Variants in GRM7 observed in about 807,000 individuals in gnomAD.
GRM7 encodes metabotropic glutamate receptor 7.
GRM7 carries 35 observed loss-of-function variants against 84.5 expected under a neutral mutation model. The observed-to-expected ratio is 0.41, with a 90% CI of 0.32 to 0.55. The LOEUF (loss-of-function observed/expected upper bound fraction) is 0.55, where lower values mean the gene tolerates loss of function less well. Among genes scored for constraint, GRM7 ranks in the 20% least tolerant of loss-of-function variants. GRM7 has a pLI of 0.19. For missense variants in GRM7, 1,003 were observed against 1,194.6 expected (o/e 0.84, Z 2.36); for synonymous variants, 487 against 455.1 (o/e 1.07, Z -0.89).
intron 8 of GRM7, among the ~76,000 whole-genome samples, chr3:7,617,761 A>G (rs1201231031): frequency 6.6e-6 from 1 of 152,186 alleles, no homozygotes; most frequent in Non-Finnish European, 1.5e-5. Context: ...GAGATAGGAA[A>G]GAGTTTGGAG....
intron 2 of GRM7, among the ~76,000 whole-genome samples, chr3:7,190,630 A>G (rs559047404): frequency 4.1e-4 from 62 of 152,218 alleles, no homozygotes; most frequent in African/African-American, 1.4e-3. Context: ...GACTTGGAAC[A>G]AGGTTCTAGG....
intron 2 of GRM7, among the ~76,000 whole-genome samples, chr3:7,296,768 A>G (rs1699827764): frequency 6.6e-6 from 1 of 151,166 alleles, no homozygotes; most frequent in Non-Finnish European, 1.5e-5. Flanking sequence ...TTTTTGTCTC[A>G]GTCTACATTT....
At chr3:7,136,190 T>G (rs1052242758) in intron 1 of GRM7, among the ~76,000 whole-genome samples, 1 of 152,054 alleles carries the variant, frequency 6.6e-6, no homozygotes, top group African/African-American at 2.4e-5. Context: ...ATTCATTTTT[T>G]TTTTCTATTT....
chr3:7,002,296 T>C (rs183199051), intron 1 of GRM7, among the ~76,000 whole-genome samples: 1 of 152,330 alleles, frequency 6.6e-6, no homozygotes, highest in East Asian at 1.9e-4. Context: ...GTATAATCTT[T>C]ATTAGACTTG....
At chr3:6,938,395 G>A (rs1268224853) in intron 1 of GRM7, among the ~76,000 whole-genome samples, 1 of 152,328 alleles carries the variant, frequency 6.6e-6, no homozygotes, top group East Asian at 1.9e-4. Flanking sequence ...TTCCAGTCCA[G>A]CTGTAACTCC....
At chr3:7,498,681 C>A (rs1368311636) in intron 7 of GRM7, among the ~76,000 whole-genome samples, 1 of 152,154 alleles carries the variant, frequency 6.6e-6, no homozygotes, top group Non-Finnish European at 1.5e-5. Flanking sequence ...ACATAAATTT[C>A]TTTTATGAAA....
chr3:7,203,909 A>G (rs1696148362), intron 2 of GRM7, among the ~76,000 whole-genome samples: 1 of 152,210 alleles, frequency 6.6e-6, no homozygotes. Flanking sequence ...AAGATTCTCT[A>G]GAGAAGATGA....
chr3:7,226,501 A>G (rs766563960), intron 2 of GRM7, among the ~76,000 whole-genome samples: 1 of 152,164 alleles, frequency 6.6e-6, no homozygotes, highest in African/African-American at 2.4e-5. Context: ...CTCGAACTCC[A>G]GTCAAAGACA....
chr3:7,362,920 A>C (rs1324109129), intron 4 of GRM7, among the ~76,000 whole-genome samples: 1 of 152,040 alleles, frequency 6.6e-6, no homozygotes, highest in Non-Finnish European at 1.5e-5. Flanking sequence ...TTGAAGCCAG[A>C]GTCTGGGCAA....
intron 2 of GRM7, among the ~76,000 whole-genome samples, chr3:7,261,660 T>C (rs1559535540): frequency 1.3e-5 from 2 of 152,232 alleles, no homozygotes; most frequent in Non-Finnish European, 2.9e-5. Context: ...GTATACAGAC[T>C]TGTTTGTGTA....
At chr3:7,086,437 T>C (rs1279936315) in intron 1 of GRM7, among the ~76,000 whole-genome samples, 1 of 152,162 alleles carries the variant, frequency 6.6e-6, no homozygotes, top group African/African-American at 2.4e-5. Context: ...ATTTGAGTAT[T>C]CAAGAGTTTT....
chr3:7,279,064 T>C (rs1211379047), intron 2 of GRM7, among the ~76,000 whole-genome samples: 2 of 152,168 alleles, frequency 1.3e-5, no homozygotes, highest in South Asian at 2.1e-4. Context: ...AAATATAAGA[T>C]AATGCTTTAG....
At chr3:7,192,718 A>G (rs190068865) in intron 2 of GRM7, among the ~76,000 whole-genome samples, 24 of 151,934 alleles carry the variant, frequency 1.6e-4, no homozygotes, top group African/African-American at 5.8e-4. Flanking sequence ...CTCTCCTTTA[A>G]CTTAGAATAT....
At chr3:7,578,267 C>T (rs1410278949) in intron 7 of GRM7, among the ~76,000 whole-genome samples, 155 bp from the exon 8 acceptor site, 5 of 152,166 alleles carry the variant, frequency 3.3e-5, no homozygotes, top group Non-Finnish European at 7.3e-5. Flanking sequence ...ATGGTATGGG[C>T]TCAAATCATA....
intron 6 of GRM7, among the ~76,000 whole-genome samples, chr3:7,454,090 A>ACACACTCTCTCTCTCTCTCTCTCTCTCT (rs1365192243): frequency 3.6e-5 from 5 of 140,206 alleles, no homozygotes; most frequent in African/African-American, 1.4e-4. Context: ...CTACACACAC[A>ACACACTCTCTCTCTCTCTCTCTCTCTCT]CTCTCTCTCT....
chr3:7,518,350 A>G (rs1700468565), intron 7 of GRM7, among the ~76,000 whole-genome samples: 1 of 152,206 alleles, frequency 6.6e-6, no homozygotes, highest in Admixed American at 6.5e-5. Context: ...TTCTTATGTA[A>G]AGTGCATTAG....
chr3:7,049,123 A>G (rs989634986), intron 1 of GRM7, among the ~76,000 whole-genome samples: 1 of 152,016 alleles, frequency 6.6e-6, no homozygotes, highest in Non-Finnish European at 1.5e-5. Context: ...CATTAAGCAA[A>G]TGTTTATTGA....
intron 2 of GRM7, among the ~76,000 whole-genome samples, chr3:7,248,934 A>G (rs1350112434): frequency 6.6e-6 from 1 of 152,180 alleles, no homozygotes; most frequent in Non-Finnish European, 1.5e-5. Context: ...AGAGAACAGA[A>G]TAGTTTGTTA....
intron 1 of GRM7, among the ~76,000 whole-genome samples, chr3:6,999,925 G>A (rs980536180): frequency 1.1e-4 from 16 of 151,956 alleles, no homozygotes; most frequent in African/African-American, 3.9e-4. Context: ...TATTTTAGTA[G>A]CATAAATGAA....
Sources: gnomAD v4.1 joint callset for allele counts (sites outside exome capture counted in the v4.1 genomes callset) on GRCh38, gnomAD v4.1.1 for gene constraint, MANE v1.5 for transcripts, NCBI Gene and HGNC (gene_info 2026-07-23, HGNC 2026-07-21) for gene names.